The following STXBP5L variants were observed in gnomAD, a reference collection of about 807,000 sequenced individuals.
STXBP5L encodes syntaxin binding protein 5L.
A neutral mutation model predicts 144.5 loss-of-function variants in STXBP5L; 65 were observed. The observed-to-expected ratio is 0.45, with a 90% confidence interval of 0.37 to 0.55. The LOEUF (loss-of-function observed/expected upper bound fraction) is 0.55. Among genes scored for constraint, STXBP5L ranks in the 20% least tolerant of loss-of-function variants. The probability of loss-of-function intolerance (pLI) is 0.00; values close to 1 mark genes in which losing one functional copy is unlikely to be tolerated. For missense variants in STXBP5L, 1,298 were observed against 1,405.5 expected (o/e 0.92, Z 1.22); for synonymous variants, 505 against 469.6 (o/e 1.08, Z -0.97).
chr3:121,155,937 A>G (rs551023523), intron 8 of STXBP5L, among the ~76,000 whole-genome samples: 93 of 152,086 alleles, frequency 6.1e-4, no homozygotes, highest in African/African-American at 2.2e-3. Context: ...ATGGCAAAAC[A>G]GTTTGAGACA....
At chr3:121,017,747 C>A (rs947410453) in intron 3 of STXBP5L, among the ~76,000 whole-genome samples, 1 of 151,960 alleles carries the variant, frequency 6.6e-6, no homozygotes, top group African/African-American at 2.4e-5. Context: ...TAACGAAAAT[C>A]AGAAGACTGA....
Position 121,278,243 on chromosome 3 carries a change from G to T in STXBP5L, c.1959-1562G>T, listed in dbSNP as rs186363306. Reference sequence around the variant, plus strand: ...TCCTTCTCTCATCTTATTCTATGTTGCCTGTTGACCAATATGTGAAAACTG... The same window carrying T: ...TCCTTCTCTCATCTTATTCTATGTTTCCTGTTGACCAATATGTGAAAACTG... On this transcript the variant is annotated intron_variant, in intron 18 of 26. Transcript: ENST00000471454. Among the ~76,000 whole-genome samples the T allele has an allele frequency of 1.2e-4, 18 of 151,872 alleles. No homozygotes were observed. In the East Asian group the frequency reaches 3.5e-3, roughly 29 times the overall value.
chr3:121,266,384 A>C (rs939843066), intron 18 of STXBP5L, among the ~76,000 whole-genome samples: 1 of 152,248 alleles, frequency 6.6e-6, no homozygotes, highest in Non-Finnish European at 1.5e-5. Context: ...CCACTTGATT[A>C]TCTCAATAGA....
intron 8 of STXBP5L, among the ~76,000 whole-genome samples, chr3:121,153,552 T>C (rs1559802416): frequency 6.6e-6 from 1 of 151,880 alleles, no homozygotes; most frequent in Non-Finnish European, 1.5e-5. Context: ...ATTGGAGGGA[T>C]AAAAAAAGTC....
intron 3 of STXBP5L, among the ~76,000 whole-genome samples, chr3:120,964,583 G>C (rs1939317258): frequency 1.3e-5 from 2 of 152,160 alleles, no homozygotes; most frequent in Admixed American, 1.3e-4. Context: ...GTGCGGTTTT[G>C]AGTGAATTTC....
chr3:120,994,347 G>C (rs1943170092), intron 3 of STXBP5L, among the ~76,000 whole-genome samples: 1 of 152,056 alleles, frequency 6.6e-6, no homozygotes, highest in African/African-American at 2.4e-5. Flanking sequence ...GGTGAAAATG[G>C]ATATCCTTTT....
chr3:121,045,665 C>T, intron 5 of STXBP5L, 130 bp downstream of exon 5: 1 of 805,446 alleles, frequency 1.2e-6, no homozygotes, highest in Non-Finnish European at 1.9e-6. Context: ...TTTATGCTTA[C>T]TTTCATAGTG....
At chr3:121,184,827 T>G (rs894932463) in intron 9 of STXBP5L, among the ~76,000 whole-genome samples, 1 of 152,160 alleles carries the variant, frequency 6.6e-6, no homozygotes, top group African/African-American at 2.4e-5. Flanking sequence ...AAGGTCAGGT[T>G]ACCCAGAAAG....
chr3:121,379,552 A>G (rs1159030251), intron 21 of STXBP5L, among the ~76,000 whole-genome samples: 1 of 152,198 alleles, frequency 6.6e-6, no homozygotes, highest in African/African-American at 2.4e-5. Context: ...TATGCTGTGA[A>G]GTAAGTCTCT....
At chr3:121,259,810 G>T (rs7645186) in intron 18 of STXBP5L, among the ~76,000 whole-genome samples, 14,889 of 146,360 alleles carry the variant, frequency 0.1, 1,149 homozygotes, top group Admixed American at 0.21. Context: ...GTTGTTCCTG[G>T]TTTTTTTTTT....
chr3:121,175,797 C>T (rs546773982), intron 9 of STXBP5L, among the ~76,000 whole-genome samples: 1 of 151,444 alleles, frequency 6.6e-6, no homozygotes, highest in East Asian at 1.9e-4. Context: ...AAGCAAGACT[C>T]AACTACATGT....
intron 3 of STXBP5L, among the ~76,000 whole-genome samples, chr3:121,003,747 A>T (rs1487921558): frequency 6.6e-6 from 1 of 152,138 alleles, no homozygotes; most frequent in Admixed American, 6.6e-5. Context: ...TAAGGAAGGG[A>T]TCCAGTTTCA....
intron 7 of STXBP5L, among the ~76,000 whole-genome samples, chr3:121,134,850 G>T (rs142798021): frequency 2.0e-5 from 3 of 152,152 alleles, no homozygotes; most frequent in Non-Finnish European, 4.4e-5. Context: ...ATTGTGAATA[G>T]TACCACAATA....
At chr3:121,226,115 G>T (rs2049116790) in intron 11 of STXBP5L, among the ~76,000 whole-genome samples, 1 of 152,168 alleles carries the variant, frequency 6.6e-6, no homozygotes, top group African/African-American at 2.4e-5. Flanking sequence ...TTTCCAATAT[G>T]GTATTGTGGA....
chr3:121,072,204 T>C (rs2041838387), intron 5 of STXBP5L, among the ~76,000 whole-genome samples: 2 of 152,244 alleles, frequency 1.3e-5, no homozygotes, highest in South Asian at 4.1e-4. Context: ...TGGTAGGAAA[T>C]GCCTTCACCC....
intron 2 of STXBP5L, among the ~76,000 whole-genome samples, chr3:120,918,829 G>T (rs1709226432): frequency 1.3e-5 from 2 of 152,034 alleles, no homozygotes; most frequent in South Asian, 4.1e-4. Flanking sequence ...GATAAGATCA[G>T]CTATCTTGTG....
At position 121,190,210 on chromosome 3, in the gene STXBP5L, C is replaced by T. The variant is rs542820528; in HGVS notation, c.878-15713C>T. ...CTAGGCAGAGGGCCCTGCGGCCTTC[C>T]GCAGTGTTTGTGTCCCTGGGAACTA... On this transcript the variant is annotated intron_variant, in intron 9 of 26. Transcript: ENST00000471454. 7.9e-5 allele frequency among the ~76,000 whole-genome samples: 12 copies of T among 152,210 alleles called. No homozygotes were observed. In the East Asian group the frequency reaches 1.9e-3, roughly 24 times the overall value.
At chr3:121,155,781 T>G (rs932283672) in intron 8 of STXBP5L, among the ~76,000 whole-genome samples, 8 of 151,954 alleles carry the variant, frequency 5.3e-5, no homozygotes, top group African/African-American at 1.7e-4. Context: ...CTTGCTTTTC[T>G]AAACAATAAA....
chr3:121,027,834 G>A (rs577966623), intron 3 of STXBP5L, among the ~76,000 whole-genome samples: 1 of 152,024 alleles, frequency 6.6e-6, no homozygotes, highest in South Asian at 2.1e-4. Context: ...CTTCAGGGCT[G>A]GTGCATTATT....
Sources: gnomAD v4.1 joint callset for allele counts (sites outside exome capture counted in the v4.1 genomes callset) on GRCh38, gnomAD v4.1.1 for gene constraint, MANE v1.5 for transcripts, NCBI Gene and HGNC (gene_info 2026-07-23, HGNC 2026-07-21) for gene names.